The following BEST1 variants were observed in gnomAD, a reference collection of about 807,000 sequenced individuals.
BEST1 encodes bestrophin 1, also known as bestrophin-1.
In BEST1, 58 loss-of-function variants were observed where a neutral mutation model predicts 63.3. The observed-to-expected ratio is 0.92, with a 90% CI of 0.74 to 1.14. BEST1 has a LOEUF of 1.14. BEST1 is among the 50% of genes most tolerant of loss of function. The pLI is 0.00. For missense variants in BEST1, 671 were observed against 740.1 expected, an observed-to-expected ratio of 0.91 and a Z score of 1.08; for synonymous variants, 283 against 291.6, an observed-to-expected ratio of 0.97 and a Z score of 0.30.
At chr11:61,963,793 C>T in intron 10 of BEST1, 1 of 1,240,052 alleles carries the variant, frequency 8.1e-7, no homozygotes, top group Non-Finnish European at 1.0e-6. Context: ...CACAGGAGGT[C>T]AGGAGTTTGA....
chr11:61,957,546 C>T, intron 6 of BEST1, 82 bp downstream of exon 6: 1 of 1,350,534 alleles, frequency 7.4e-7, no homozygotes, highest in Non-Finnish European at 1.1e-6. Flanking sequence ...GGGAAGGGCT[C>T]ACCTAGAGGC....
intron 1 of BEST1, 69 bp from the exon 2 acceptor site, chr11:61,951,702 G>A: frequency 6.7e-7 from 1 of 1,497,710 alleles, no homozygotes; most frequent in South Asian, 1.1e-5. Flanking sequence ...GAGCAGGGAA[G>A]GGTCCTGACA....
chr11:61,954,931 C>T (rs1296072502), intron 2 of BEST1, 176 bp from the exon 3 acceptor site: 3 of 985,260 alleles, frequency 3.0e-6, no homozygotes, highest in African/African-American at 1.7e-5. Context: ...GGGTTTGGGG[C>T]TGTACAAGGA....
rs2134430499 is a variant in BEST1 at position 61,955,793 on chromosome 11, G to A, written c.323G>A (p.Ser108Asn). The change falls in exon 4 of 11, where the codon AGC (serine) becomes AAC (asparagine). Residue 108 changes from serine to asparagine, a missense_variant. Coordinates refer to ENST00000378043, the MANE Select transcript of BEST1 (RefSeq NM_004183.4). ...CTGCCGTGGCCCGACCGCCTCATGA[G>A]CCTGGTGTCGGGCTTCGTCGAAGGC... Reference protein sequence around the residue: ...ENLPWPDRLMSLVSGFVEGKD... With the variant: ...ENLPWPDRLMNLVSGFVEGKD... The A allele has an allele frequency of 1.9e-6, 3 of 1,550,260 alleles. No homozygotes were observed. The highest frequency in any genetic ancestry group is 1.4e-5 in the African/African-American group (1 of 73,172).
At position 61,956,050 on chromosome 11, in the gene BEST1, C is replaced by A. The variant is rs766107843; in HGVS notation, c.481+99C>A. The A allele has an allele frequency of 4.9e-4, 595 of 1,206,054 alleles. 1 individual carries two copies. Among genetic ancestry groups the A allele is most frequent in the Non-Finnish European group, 6.6e-4 (569 of 867,876 alleles). 74.7% of individuals were successfully genotyped at this position (1,206,054 alleles called of 1,614,324 possible). On this transcript the variant is annotated intron_variant, in intron 4 of 10. Coordinates refer to ENST00000378043, the MANE Select transcript of BEST1 (RefSeq NM_004183.4). ...ATGGGTGGAGCCAAAGTCCCCCGGA[C>A]TCGGGGGATTGGGTGGAGCCAGGAG...
intron 4 of BEST1, among the ~76,000 whole-genome samples, chr11:61,956,371 G>A (rs1941360524): frequency 6.6e-6 from 1 of 152,166 alleles, no homozygotes; most frequent in African/African-American, 2.4e-5. Context: ...ACAGACCCAG[G>A]CTAGGCGTGG....
At chr11:61,965,199 G>C, downstream of BEST1, 2 of 1,596,134 alleles carry the variant, frequency 1.3e-6, no homozygotes, top group South Asian at 1.1e-5. Flanking sequence ...TTTGGCAAAA[G>C]GGACATTACT....
Position 61,955,186 on chromosome 11 carries a change from A to AT in BEST1, c.235dup (p.Ser79PhefsTer153). On this transcript the variant is annotated frameshift_variant, in exon 3 of 11. Coordinates refer to ENST00000378043, the MANE Select transcript of BEST1 (RefSeq NM_004183.4). LOFTEE classifies it high-confidence loss of function. The stretch of plus-strand genomic sequence containing the variant: ...CGACAGCTACATCCAGCTCATCCCC[A>AT]TTTCCTTCGTGCTGGGTGAGTTCCC... 6.2e-7 allele frequency: 1 copy of AT among 1,613,264 alleles called. No homozygotes were observed. Among genetic ancestry groups the AT allele is most frequent in the East Asian group, 2.2e-5 (1 of 44,812 alleles).
At position 61,962,480 on chromosome 11, in the gene BEST1, C is replaced by A; in HGVS notation, c.1326C>A (p.Asn442Lys). 6.2e-7 allele frequency: 1 copy of A among 1,614,208 alleles called. No individual in the cohort carries two copies. Among genetic ancestry groups the A allele is most frequent in the South Asian group, 1.1e-5 (1 of 91,088 alleles). Residue 442 changes from asparagine to lysine, a missense_variant, in exon 10 of 11, where the codon AAC (asparagine) becomes AAA (lysine). Transcript: ENST00000378043. Reference protein sequence around the residue: ...AKQNVRGQEDNKAWKLKAVDA... With the variant: ...AKQNVRGQEDKKAWKLKAVDA... Reference sequence around the variant, plus strand: ...AGAACGTTAGGGGCCAGGAAGACAACAAGGCCTGGAAGCTTAAGGCTGTGG... The same window carrying A: ...AGAACGTTAGGGGCCAGGAAGACAAAAAGGCCTGGAAGCTTAAGGCTGTGG...
intron 1 of BEST1, among the ~76,000 whole-genome samples, chr11:61,951,066 C>T (rs1353215866): frequency 6.6e-6 from 1 of 152,150 alleles, no homozygotes; most frequent in Non-Finnish European, 1.5e-5. Flanking sequence ...TGGTCCCTTC[C>T]ATACTTCTCA....
chr11:61,959,352 G>A (rs1181954103), intron 7 of BEST1, 146 bp from the exon 8 acceptor site: 3 of 765,858 alleles, frequency 3.9e-6, no homozygotes, highest in African/African-American at 3.4e-5. Flanking sequence ...GTGGGGGGCT[G>A]GAGCCCTAAA....
intron 7 of BEST1, chr11:61,959,117 G>A (rs1941757654): frequency 6.1e-6 from 2 of 327,370 alleles, no homozygotes; most frequent in Non-Finnish European, 1.2e-5. Flanking sequence ...TTGCTATCCA[G>A]GAATCTGCCC....
intron 2 of BEST1, among the ~76,000 whole-genome samples, chr11:61,953,781 G>C (rs946704184): frequency 7.2e-5 from 11 of 152,244 alleles, no homozygotes; most frequent in Non-Finnish European, 5.9e-5. Context: ...AGCTCCTCAG[G>C]AGGCTGAAGC....
At chr11:61,953,485 G>A (rs1428174677) in intron 2 of BEST1, among the ~76,000 whole-genome samples, 1 of 152,162 alleles carries the variant, frequency 6.6e-6, no homozygotes, top group African/African-American at 2.4e-5. Flanking sequence ...GGCCGAGGCG[G>A]GTGGATCATG....
chr11:61,956,944 G>A lies in BEST1; in HGVS notation c.582G>A (p.Lys194=), dbSNP rs546228761. 11 of 1,614,156 alleles carry A rather than the reference G, an allele frequency of 6.8e-6. No individual in the cohort carries two copies. The East Asian group carries it at 2.5e-4, about 36-fold the overall frequency. Residue 194 remains lysine (K), a synonymous_variant, in exon 5 of 11, where the codon AAG becomes AAA. Transcript: ENST00000378043. The part of the protein sequence containing the change: ...PWVWFANLSM[K]AWLGGRIRDP... The stretch of plus-strand genomic sequence containing the variant: ...TGTGGTTTGCCAACCTGTCAATGAA[G>A]GCGTGGCTTGGAGGTCGAATCCGGG...
Position 61,962,468 on chromosome 11 carries a change from C to A in BEST1, c.1314C>A (p.Gly438=), listed in dbSNP as rs1277309381. The change falls in exon 10 of 11, where the codon GGC becomes GGA. Residue 438 remains glycine (G), a synonymous_variant. Coordinates refer to ENST00000378043, the MANE Select transcript of BEST1 (RefSeq NM_004183.4). ...AGGCAGCCAAACAGAACGTTAGGGGCCAGGAAGACAACAAGGCCTGGAAGC... is the reference window on the plus strand; with the variant it reads ...AGGCAGCCAAACAGAACGTTAGGGGACAGGAAGACAACAAGGCCTGGAAGC... The part of the protein sequence containing the change: ...NHKAAKQNVR[G]QEDNKAWKLK... 6.2e-7 allele frequency: 1 copy of A among 1,614,184 alleles called. No homozygotes were observed. The highest frequency in any genetic ancestry group is 8.5e-7 in the Non-Finnish European group (1 of 1,180,034).
chr11:61,951,567 A>C (rs1306089377), intron 1 of BEST1, among the ~76,000 whole-genome samples: 2 of 152,170 alleles, frequency 1.3e-5, no homozygotes, highest in Non-Finnish European at 2.9e-5. Flanking sequence ...TTCCCTGCCA[A>C]AGCAAAGGGC....
At chr11:61,965,453 T>C (rs751425119), downstream of BEST1, 63 of 1,611,176 alleles carry the variant, frequency 3.9e-5, no homozygotes, top group East Asian at 4.5e-5. Context: ...CCTCATGAGA[T>C]TGGTGAAGAA....
chr11:61,955,132 CTGA>C lies in BEST1; in HGVS notation c.181_183del (p.Met61del). On this transcript the variant is annotated inframe_deletion, in exon 3 of 11. Coordinates refer to ENST00000378043, the MANE Select transcript of BEST1 (RefSeq NM_004183.4). The stretch of plus-strand genomic sequence containing the variant: ...GCTGGCCCTCACGGAAGAACAACAG[CTGA>C]TGTTTGAGAAACTGACTCTGTATTG... 6.2e-7 allele frequency: 1 copy of C among 1,614,190 alleles called. No individual in the cohort carries two copies. The highest frequency in any genetic ancestry group is 8.5e-7 in the Non-Finnish European group (1 of 1,180,008).
Sources: gnomAD v4.1 joint callset for allele counts (sites outside exome capture counted in the v4.1 genomes callset) on GRCh38, gnomAD v4.1.1 for gene constraint, MANE v1.5 for transcripts, NCBI Gene and HGNC (gene_info 2026-07-23, HGNC 2026-07-21) for gene names.